The following SORCS1 variants were observed in gnomAD, a reference collection of about 807,000 sequenced individuals.
SORCS1 encodes the protein sortilin related VPS10 domain containing receptor 1.
Under a neutral mutation model 146.1 loss-of-function variants are expected in SORCS1, and 60 were observed. That is an observed-to-expected ratio of 0.41 (90% confidence interval 0.33 to 0.51). The LOEUF is 0.51. Ranked by LOEUF, SORCS1 falls within the 20% of genes least tolerant of loss-of-function variation. The probability of loss-of-function intolerance (pLI) is 0.21; values close to 1 mark genes in which losing one functional copy is unlikely to be tolerated. For missense variants in SORCS1, 1,352 were observed against 1,487.6 expected (o/e 0.91, Z 1.50); for synonymous variants, 637 against 584.0 (o/e 1.09, Z -1.31).
At chr10:107,004,175 CAAAAAAAAAA>C (rs1190654041) in intron 1 of SORCS1, among the ~76,000 whole-genome samples, 1 of 49,578 alleles carries the variant, frequency 2.0e-5, no homozygotes, top group African/African-American at 8.4e-5. Context: ...GATCCCATCT[CAAAAAAAAAA>C]AAAAAAAAAA....
At chr10:106,760,712 C>CTA (rs1443980658) in intron 5 of SORCS1, among the ~76,000 whole-genome samples, 18 of 47,474 alleles carry the variant, frequency 3.8e-4, no homozygotes, top group Admixed American at 2.8e-3. Context: ...CACACACTAA[C>CTA]ACACACACAC....
chr10:106,962,933 T>C (rs921302307), intron 1 of SORCS1, among the ~76,000 whole-genome samples: 1 of 152,140 alleles, frequency 6.6e-6, no homozygotes, highest in Non-Finnish European at 1.5e-5. Context: ...CTCCGATAGC[T>C]ACCTCTCTGC....
chr10:106,903,972 T>G (rs1351001935), intron 2 of SORCS1, among the ~76,000 whole-genome samples: 3 of 152,186 alleles, frequency 2.0e-5, no homozygotes, highest in Non-Finnish European at 1.5e-5. Flanking sequence ...CTTCCCTCAA[T>G]CCTCACTTAG....
chr10:106,984,415 A>C (rs1956369339), intron 1 of SORCS1, among the ~76,000 whole-genome samples: 1 of 91,570 alleles, frequency 1.1e-5, no homozygotes, highest in Non-Finnish European at 2.7e-5. Context: ...TTTTTTTGAG[A>C]CAGAGTTTTG....
intron 1 of SORCS1, among the ~76,000 whole-genome samples, chr10:107,065,414 C>CT (rs748364072): frequency 1.6e-5 from 1 of 64,048 alleles, no homozygotes; most frequent in Admixed American, 1.9e-4. Flanking sequence ...TTCTCTCTTT[C>CT]TTTTCTTTCT....
intron 10 of SORCS1, among the ~76,000 whole-genome samples, chr10:106,680,517 G>C (rs1405005448): frequency 6.6e-6 from 1 of 152,120 alleles, no homozygotes; most frequent in African/African-American, 2.4e-5. Context: ...CAATATAAAA[G>C]TCACACTTGT....
At chr10:106,705,910 G>A (rs374181706) in intron 8 of SORCS1, among the ~76,000 whole-genome samples, 2 of 152,140 alleles carry the variant, frequency 1.3e-5, no homozygotes, top group East Asian at 3.9e-4. Flanking sequence ...CTGCGACTCA[G>A]AACTCTAAAG....
At chr10:106,727,934 A>T (rs1043003599) in intron 6 of SORCS1, among the ~76,000 whole-genome samples, 7 of 152,252 alleles carry the variant, frequency 4.6e-5, no homozygotes, top group Non-Finnish European at 1.0e-4. Context: ...GAGAGGGCAG[A>T]CTAAGATTAG....
intron 5 of SORCS1, among the ~76,000 whole-genome samples, chr10:106,742,758 A>T (rs1348200651): frequency 2.0e-5 from 3 of 152,162 alleles, no homozygotes; most frequent in Non-Finnish European, 4.4e-5. Flanking sequence ...CATGGCACGA[A>T]GTATGGTATG....
At chr10:106,937,613 C>T (rs1395488934) in intron 2 of SORCS1, among the ~76,000 whole-genome samples, 1 of 152,140 alleles carries the variant, frequency 6.6e-6, no homozygotes, top group Admixed American at 6.5e-5. Flanking sequence ...TGTGAGTCCA[C>T]TAAACCTGTT....
At chr10:107,158,741 G>A (rs1969488759) in intron 1 of SORCS1, among the ~76,000 whole-genome samples, 1 of 152,116 alleles carries the variant, frequency 6.6e-6, no homozygotes, top group Non-Finnish European at 1.5e-5. Context: ...AATATTTGTT[G>A]AATTAAAACT....
chr10:106,652,366 T>G lies in SORCS1; in HGVS notation c.2475+16A>C, dbSNP rs761802295. On this transcript the variant is annotated intron_variant, in intron 18 of 25. Coordinates refer to ENST00000263054, the MANE Select transcript of SORCS1 (RefSeq NM_052918.5). Reference sequence around the variant, plus strand: ...CTGGCCCTAGAAAGTAGGGGGGAGATAGGAATCAGTCCTACCTCTTCTAAT... The same window carrying G: ...CTGGCCCTAGAAAGTAGGGGGGAGAGAGGAATCAGTCCTACCTCTTCTAAT... 1.3e-6 allele frequency: 2 copies of G among 1,587,498 alleles called. No homozygotes were observed. The highest frequency in any genetic ancestry group is 1.7e-6 in the Non-Finnish European group (2 of 1,160,088).
At chr10:106,815,674 A>C (rs17182395) in intron 3 of SORCS1, among the ~76,000 whole-genome samples, 1,988 of 152,198 alleles carry the variant, frequency 0.013, 15 homozygotes, top group Non-Finnish European at 0.019. Context: ...AGGATAAGTG[A>C]GATGCTATGG....
intron 19 of SORCS1, among the ~76,000 whole-genome samples, chr10:106,628,916 A>T (rs2133571935): frequency 6.6e-6 from 1 of 152,362 alleles, no homozygotes; most frequent in East Asian, 1.9e-4. Flanking sequence ...CAAGTTACTT[A>T]GGCTCAGCCT....
rs944350539 is a variant in SORCS1 at position 106,960,934 on chromosome 10, G to A, written c.559-4354C>T. ...GACCCTTTGCTCAGGCCCTTACAAA[G>A]CTCCTACTGAATAATTCCATCAACT... On this transcript the variant is annotated intron_variant, in intron 1 of 25. Transcript: ENST00000263054. This position sits in a 1 kb window ranked among gnomAD's most constrained non-coding sequence, Gnocchi z 4.4. Among the ~76,000 whole-genome samples the A allele has an allele frequency of 6.6e-6, 1 of 152,114 alleles. No homozygotes were observed. Among genetic ancestry groups the A allele is most frequent in the African/African-American group, 2.4e-5 (1 of 41,412 alleles).
Position 106,856,885 on chromosome 10 carries a change from A to C in SORCS1, c.627-27212T>G, listed in dbSNP as rs534820689. Reference sequence around the variant, plus strand: ...CTGTGTCTGACTGTTGGTCTTTCCAATTCGGGGGACAGCATTTGTCCTGTG... The same window carrying C: ...CTGTGTCTGACTGTTGGTCTTTCCACTTCGGGGGACAGCATTTGTCCTGTG... On this transcript the variant is annotated intron_variant, in intron 2 of 25. Coordinates refer to ENST00000263054, the MANE Select transcript of SORCS1 (RefSeq NM_052918.5). Among the ~76,000 whole-genome samples, 9 of 152,312 alleles carry C rather than the reference A, an allele frequency of 5.9e-5. No homozygotes were observed. The East Asian group carries it at 1.7e-3, about 29-fold the overall frequency.
intron 10 of SORCS1, among the ~76,000 whole-genome samples, chr10:106,687,895 CA>C (rs1312573005): frequency 6.6e-6 from 1 of 152,124 alleles, no homozygotes; most frequent in Non-Finnish European, 1.5e-5. Flanking sequence ...GTATCCTCAC[CA>C]GGGATAGAAA....
chr10:106,578,559 C>T lies in SORCS1; in HGVS notation c.3371+810G>A, dbSNP rs142278149. 2.2e-3 allele frequency: 1,346 copies of T among 615,618 alleles called. 15 individuals carry two copies. The African/African-American group carries it at 0.023, about 11-fold the overall frequency. 38.1% of individuals were successfully genotyped at this position (615,618 alleles called of 1,614,324 possible). A position where few individuals can be genotyped will look rare whatever the true frequency, so the allele number is the denominator to read the frequency against. ...TCCTGAGGGAAAGTTCCTAGACTAC[C>T]AATAGATGTAAAAAAAAAAAAAATT... On this transcript the variant is annotated intron_variant, in intron 25 of 25. Transcript: ENST00000263054.
intron 2 of SORCS1, among the ~76,000 whole-genome samples, chr10:106,914,652 T>G (rs1952325837): frequency 6.6e-6 from 1 of 152,234 alleles, no homozygotes; most frequent in African/African-American, 2.4e-5. Context: ...TGAATTGACC[T>G]AGATAACTTT....
Sources: gnomAD v4.1 joint callset for allele counts (sites outside exome capture counted in the v4.1 genomes callset) on GRCh38, gnomAD v4.1.1 for gene constraint, Gnocchi (gnomAD v3.1) non-coding constraint, MANE v1.5 for transcripts, NCBI Gene and HGNC (gene_info 2026-07-23, HGNC 2026-07-21) for gene names.